The following MARCHF8 variants were observed in gnomAD, a reference collection of about 807,000 sequenced individuals.
MARCHF8 encodes the protein E3 ubiquitin-protein ligase MARCHF8.
Under a neutral mutation model 51.6 loss-of-function variants are expected in MARCHF8, and 40 were observed. The ratio of observed to expected loss-of-function variants is 0.77; its 90% confidence interval spans 0.60 to 1.01. The LOEUF is 1.01. MARCHF8 is among the 50% of genes least tolerant of loss of function. MARCHF8 has a pLI of 0.00. For missense variants in MARCHF8, 685 were observed against 708.6 expected (o/e 0.97, Z 0.38); for synonymous variants, 263 against 280.3 (o/e 0.94, Z 0.62).
At chr10:45,506,370 T>C (rs1406839833) in intron 2 of MARCHF8, among the ~76,000 whole-genome samples, 1 of 152,248 alleles carries the variant, frequency 6.6e-6, no homozygotes, top group Non-Finnish European at 1.5e-5. Context: ...TTCATAAACC[T>C]ATACAGGTTT....
At chr10:45,514,232 T>A (rs774094415) in intron 2 of MARCHF8, among the ~76,000 whole-genome samples, 6 of 152,196 alleles carry the variant, frequency 3.9e-5, no homozygotes, top group Admixed American at 6.5e-5. Flanking sequence ...GAGTGAGGCA[T>A]CCTTGAGCAA....
At chr10:45,537,726 C>T (rs548962030), upstream of MARCHF8, among the ~76,000 whole-genome samples, 3 of 151,042 alleles carry the variant, frequency 2.0e-5, no homozygotes, top group South Asian at 4.2e-4. Context: ...TACATGATGA[C>T]AGTTGTATGG....
intron 3 of MARCHF8, among the ~76,000 whole-genome samples, chr10:45,469,930 GA>G (rs1478579023): frequency 7.1e-6 from 1 of 140,038 alleles, no homozygotes; most frequent in Admixed American, 7.2e-5. Flanking sequence ...AAAGTCACTT[GA>G]AAGTCACTGC....
intron 3 of MARCHF8, among the ~76,000 whole-genome samples, chr10:45,483,640 G>A (rs759107004): frequency 7.2e-5 from 11 of 152,152 alleles, no homozygotes; most frequent in East Asian, 3.9e-4. Context: ...AGCACTGTTC[G>A]CAAAAGATAT....
chr10:45,500,674 A>G (rs547790768), intron 2 of MARCHF8, among the ~76,000 whole-genome samples: 1 of 152,222 alleles, frequency 6.6e-6, no homozygotes, highest in African/African-American at 2.4e-5. Context: ...AGCCACCACA[A>G]TTAGGAAAAT....
chr10:45,502,730 ACAGT>A (rs2133150281), intron 2 of MARCHF8, among the ~76,000 whole-genome samples: 1 of 152,332 alleles, frequency 6.6e-6, no homozygotes, highest in East Asian at 1.9e-4. Context: ...GGAAATAAAA[ACAGT>A]CACAGACAAA....
At chr10:45,531,805 G>A (rs997948534) in intron 2 of MARCHF8, among the ~76,000 whole-genome samples, 3 of 152,104 alleles carry the variant, frequency 2.0e-5, no homozygotes, top group Admixed American at 6.5e-5. Context: ...GGACTCAGTA[G>A]GAATAATATC....
At chr10:45,476,851 T>C (rs760174883) in intron 3 of MARCHF8, among the ~76,000 whole-genome samples, 21 of 152,122 alleles carry the variant, frequency 1.4e-4, no homozygotes, top group Non-Finnish European at 3.1e-4. Flanking sequence ...AAAGCATACA[T>C]GACATATGGG....
At chr10:45,570,826 TA>T (rs2044420290) in intron 1 of MARCHF8, among the ~76,000 whole-genome samples, 1 of 152,168 alleles carries the variant, frequency 6.6e-6, no homozygotes, top group Admixed American at 6.5e-5. Context: ...AATGAAATTT[TA>T]AAAACGTTTC....
intron 6 of MARCHF8, among the ~76,000 whole-genome samples, chr10:45,460,825 A>C (rs946761561): frequency 4.6e-5 from 7 of 152,172 alleles, no homozygotes; most frequent in African/African-American, 1.4e-4. Flanking sequence ...ATACAAATAA[A>C]TTTACTGTAT....
chr10:45,486,495 C>A (rs967610087), intron 3 of MARCHF8, among the ~76,000 whole-genome samples: 2 of 152,024 alleles, frequency 1.3e-5, no homozygotes, highest in Non-Finnish European at 2.9e-5. Flanking sequence ...ATCCAGGAGG[C>A]GGAGGTTGCA....
intron 1 of MARCHF8, among the ~76,000 whole-genome samples, chr10:45,593,014 T>C (rs955574303): frequency 6.6e-6 from 1 of 152,156 alleles, no homozygotes; most frequent in Non-Finnish European, 1.5e-5. Context: ...AGAATAGTAA[T>C]CAATCCAATT....
chr10:45,561,774 G>A (rs11239559), intron 1 of MARCHF8, among the ~76,000 whole-genome samples: 27,918 of 150,098 alleles, frequency 0.19, 3,283 homozygotes, highest in South Asian at 0.36. Flanking sequence ...GGTGGCAGGT[G>A]CCTGTAGTTC....
intron 3 of MARCHF8, among the ~76,000 whole-genome samples, chr10:45,483,329 A>G (rs1226163669): frequency 6.6e-6 from 1 of 152,256 alleles, no homozygotes; most frequent in Non-Finnish European, 1.5e-5. Context: ...GGCAAAGGAC[A>G]TGACTAGACA....
At chr10:45,483,264 A>T (rs1392229794) in intron 3 of MARCHF8, among the ~76,000 whole-genome samples, 3 of 152,244 alleles carry the variant, frequency 2.0e-5, no homozygotes, top group Non-Finnish European at 4.4e-5. Context: ...TAACATACAG[A>T]ATATGTAAGA....
At chr10:45,536,765 G>A (rs757970207), upstream of MARCHF8, among the ~76,000 whole-genome samples, 37 of 151,074 alleles carry the variant, frequency 2.4e-4, no homozygotes, top group Non-Finnish European at 5.0e-4. Flanking sequence ...GGAGGCTGAG[G>A]TGGGAGGACT....
intron 1 of MARCHF8, among the ~76,000 whole-genome samples, chr10:45,533,903 G>A (rs958278470): frequency 9.9e-5 from 15 of 152,216 alleles, no homozygotes; most frequent in Admixed American, 5.9e-4. Flanking sequence ...ATGTAAATGG[G>A]CCGGGTGCGG....
At chr10:45,499,572 T>G (rs1333564139) in intron 2 of MARCHF8, among the ~76,000 whole-genome samples, 1 of 152,224 alleles carries the variant, frequency 6.6e-6, no homozygotes, top group East Asian at 1.9e-4. Context: ...GTTTTAAGTC[T>G]TAGATCCATT....
intron 1 of MARCHF8, among the ~76,000 whole-genome samples, chr10:45,545,543 T>A (rs764903355): frequency 1.3e-5 from 2 of 152,174 alleles, no homozygotes; most frequent in Non-Finnish European, 2.9e-5. Flanking sequence ...AAAATTGAAA[T>A]GGATTTCAAA....
Sources: gnomAD v4.1 joint callset for allele counts (sites outside exome capture counted in the v4.1 genomes callset) on GRCh38, gnomAD v4.1.1 for gene constraint, MANE v1.5 for transcripts, NCBI Gene and HGNC (gene_info 2026-07-23, HGNC 2026-07-21) for gene names.